The following CDH13 variants were observed in gnomAD, a reference collection of about 807,000 sequenced individuals.
CDH13 encodes cadherin 13.
A neutral mutation model predicts 63.8 loss-of-function variants in CDH13; 24 were observed. That is an observed-to-expected ratio of 0.38 (90% CI 0.27 to 0.53). The LOEUF is 0.53. Ranked by LOEUF, CDH13 falls within the 20% of genes least tolerant of loss-of-function variation. CDH13 has a pLI of 0.85. For synonymous variants in CDH13, 503 were observed against 355.3 expected, an observed-to-expected ratio of 1.42 and a Z score of -4.67; for missense variants, 1,049 against 903.1, an observed-to-expected ratio of 1.16 and a Z score of -2.07.
chr16:82,677,567 A>T (rs1564027), intron 1 of CDH13, among the ~76,000 whole-genome samples: 8,888 of 150,098 alleles, frequency 0.059, 320 homozygotes, highest in Middle Eastern at 0.16. Flanking sequence ...GATAAGGCAG[A>T]TAGGATTAGG....
chr16:83,464,218 T>C (rs1042519366), intron 6 of CDH13, among the ~76,000 whole-genome samples: 4 of 151,926 alleles, frequency 2.6e-5, no homozygotes, highest in African/African-American at 9.7e-5. Context: ...CACCACTATG[T>C]CCGGCTAAAT....
chr16:83,410,287 A>T (rs2092107130), intron 6 of CDH13, among the ~76,000 whole-genome samples: 1 of 152,186 alleles, frequency 6.6e-6, no homozygotes, highest in Non-Finnish European at 1.5e-5. Flanking sequence ...TCGCCTTTGG[A>T]ATGGGTATTT....
chr16:83,553,567 T>G (rs1386641984), intron 7 of CDH13, among the ~76,000 whole-genome samples: 1 of 152,214 alleles, frequency 6.6e-6, no homozygotes, highest in Non-Finnish European at 1.5e-5. Flanking sequence ...GTTGTTGTAT[T>G]TTTTTCTCAG....
chr16:83,455,264 G>A (rs1334986991), intron 6 of CDH13, among the ~76,000 whole-genome samples: 1 of 152,132 alleles, frequency 6.6e-6, no homozygotes, highest in African/African-American at 2.4e-5. Flanking sequence ...AACTGGCAAG[G>A]CCCAAGAGAT....
At chr16:83,422,822 A>C (rs184249847) in intron 6 of CDH13, among the ~76,000 whole-genome samples, 7 of 152,276 alleles carry the variant, frequency 4.6e-5, no homozygotes, top group Admixed American at 2.6e-4. Flanking sequence ...ATTACATAAG[A>C]TGCTTAGAAA....
chr16:83,299,592 T>C (rs890585154), intron 5 of CDH13, among the ~76,000 whole-genome samples: 1 of 152,212 alleles, frequency 6.6e-6, no homozygotes, highest in African/African-American at 2.4e-5. Context: ...CTCCTCTGTG[T>C]AGGAATTTTA....
At chr16:83,535,749 A>C (rs774416555) in intron 7 of CDH13, among the ~76,000 whole-genome samples, 20 of 150,048 alleles carry the variant, frequency 1.3e-4, no homozygotes, top group Non-Finnish European at 2.5e-4. Flanking sequence ...TAAGTGAGTG[A>C]ATGGAAGGAA....
At chr16:83,276,306 A>G (rs1212322699) in intron 5 of CDH13, among the ~76,000 whole-genome samples, 1 of 152,104 alleles carries the variant, frequency 6.6e-6, no homozygotes, top group Admixed American at 6.5e-5. Context: ...TCATTCTACA[A>G]GATGGCCCCT....
At chr16:82,828,639 G>C (rs935397907) in intron 1 of CDH13, among the ~76,000 whole-genome samples, 2 of 124,910 alleles carry the variant, frequency 1.6e-5, no homozygotes, top group Non-Finnish European at 3.3e-5. Flanking sequence ...AATAAAAATA[G>C]ATGTGTTTGT....
At chr16:83,611,824 G>GT (rs1045237521) in intron 8 of CDH13, among the ~76,000 whole-genome samples, 3 of 151,980 alleles carry the variant, frequency 2.0e-5, no homozygotes, top group African/African-American at 7.2e-5. Context: ...ATTTGGGAGT[G>GT]TTTTTTATTC....
At position 83,732,241 on chromosome 16, in the gene CDH13, G is replaced by T. The variant is rs183357555; in HGVS notation, c.1539-15867G>T. Among the ~76,000 whole-genome samples the T allele has an allele frequency of 1.6e-3, 238 of 152,314 alleles. 2 individuals carry two copies. The highest frequency in any genetic ancestry group is 5.5e-3 in the African/African-American group (228 of 41,578). ...GGAGAGTCAACAGCTTAATGGGATGGAGAGTAACTGGAGAAGGCCACCTTA... is the reference window on the plus strand; with the variant it reads ...GGAGAGTCAACAGCTTAATGGGATGTAGAGTAACTGGAGAAGGCCACCTTA... On this transcript the variant is annotated intron_variant, in intron 10 of 13. Transcript: ENST00000567109.
At chr16:83,531,966 C>T (rs1017306926) in intron 7 of CDH13, among the ~76,000 whole-genome samples, 1 of 152,174 alleles carries the variant, frequency 6.6e-6, no homozygotes, top group South Asian at 2.1e-4. Flanking sequence ...CCCACAATTC[C>T]CATGTGTTAT....
At chr16:83,044,018 C>T (rs1917563008) in intron 3 of CDH13, among the ~76,000 whole-genome samples, 1 of 152,178 alleles carries the variant, frequency 6.6e-6, no homozygotes, top group African/African-American at 2.4e-5. Flanking sequence ...GGATGCTCTA[C>T]AGTTCTACAG....
intron 1 of CDH13, among the ~76,000 whole-genome samples, chr16:82,627,877 G>C (rs1013319144): frequency 3.3e-5 from 5 of 152,250 alleles, no homozygotes; most frequent in African/African-American, 7.2e-5. Context: ...CCAGATCCCG[G>C]GCTGCCGCCT....
chr16:83,592,004 T>G (rs1906804489), intron 7 of CDH13, among the ~76,000 whole-genome samples: 1 of 152,210 alleles, frequency 6.6e-6, no homozygotes, highest in African/African-American at 2.4e-5. Flanking sequence ...CAGGAATCAC[T>G]GCTTAATCTC....
At chr16:83,518,760 C>T (rs893360970) in intron 7 of CDH13, among the ~76,000 whole-genome samples, 21 of 152,042 alleles carry the variant, frequency 1.4e-4, no homozygotes, top group African/African-American at 4.3e-4. Context: ...TTTGAGCCAC[C>T]GAGCCCGGCC....
At chr16:83,612,674 C>T (rs1004078701) in intron 8 of CDH13, among the ~76,000 whole-genome samples, 1 of 151,224 alleles carries the variant, frequency 6.6e-6, no homozygotes, top group Non-Finnish European at 1.5e-5. Flanking sequence ...ATTAGTTATA[C>T]TTCATTTTCA....
chr16:83,310,980 G>A (rs2089987049), intron 5 of CDH13, among the ~76,000 whole-genome samples: 1 of 152,146 alleles, frequency 6.6e-6, no homozygotes, highest in Non-Finnish European at 1.5e-5. Context: ...CACACACAAA[G>A]TACTCCCACA....
At chr16:83,480,640 G>A (rs1048898284) in intron 6 of CDH13, among the ~76,000 whole-genome samples, 19 of 152,224 alleles carry the variant, frequency 1.2e-4, no homozygotes, top group African/African-American at 3.6e-4. Flanking sequence ...ACGAAGAGAC[G>A]TGTCTACACC....
Sources: allele counts gnomAD v4.1 joint callset (sites outside exome capture counted in the v4.1 genomes callset), GRCh38; gene constraint gnomAD v4.1.1; transcripts MANE v1.5; gene names NCBI Gene and HGNC (gene_info 2026-07-23, HGNC 2026-07-21).